The following DMAC2L variants were observed in gnomAD, a reference collection of about 807,000 sequenced individuals.
The protein encoded by DMAC2L is ATP synthase subunit s, mitochondrial.
In DMAC2L, 21 loss-of-function variants were observed where a neutral mutation model predicts 22.5. The ratio of observed to expected loss-of-function variants is 0.93; its 90% CI spans 0.66 to 1.34. The LOEUF (loss-of-function observed/expected upper bound fraction) is 1.34, where lower values mean the gene tolerates loss of function less well. Among genes scored for constraint, DMAC2L ranks in the 40% most tolerant of loss-of-function variants. DMAC2L has a pLI of 0.00. For synonymous variants in DMAC2L, 86 were observed against 89.5 expected (o/e 0.96, Z 0.22); for missense variants, 239 against 246.5 (o/e 0.97, Z 0.20).
At position 50,327,384 on chromosome 14, in the gene DMAC2L, C is replaced by G. The variant is rs1280914743; in HGVS notation, c.*1661C>G. The G allele has an allele frequency of 6.7e-6, 1 of 149,728 alleles. No homozygotes were observed. 9.3% of individuals were successfully genotyped at this position (149,728 alleles called of 1,614,324 possible). A position where few individuals can be genotyped will look rare whatever the true frequency, so the allele number is the denominator to read the frequency against. On this transcript the variant is annotated 3_prime_UTR_variant, in exon 6 of 6. Coordinates refer to ENST00000557421, the MANE Select transcript of DMAC2L (RefSeq NM_001382507.1). The stretch of plus-strand genomic sequence containing the variant: ...TAGATAAAACAGGTCTTCATTGTTA[C>G]CTGTGAGAAATGGCCCTGATTCTAT...
chr14:50,325,753 T>G lies in DMAC2L; in HGVS notation c.*30T>G. On this transcript the variant is annotated 3_prime_UTR_variant, in exon 6 of 6. Transcript: ENST00000557421. Reference sequence around the variant, plus strand: ...ATGTGTCTTATTTCAGTATAAAGGATCATTTGAAACTGTTGATTCCAAACA... The same window carrying G: ...ATGTGTCTTATTTCAGTATAAAGGAGCATTTGAAACTGTTGATTCCAAACA... 1 of 1,591,850 alleles carries G rather than the reference T, an allele frequency of 6.3e-7. No individual in the cohort carries two copies. The highest frequency in any genetic ancestry group is 8.5e-7 in the Non-Finnish European group (1 of 1,171,368).
chr14:50,312,541 G>A (rs1000287528), intron 1 of DMAC2L, 152 bp downstream of exon 1: 1 of 327,778 alleles, frequency 3.1e-6, no homozygotes, highest in African/African-American at 2.2e-5. Flanking sequence ...GGGGCCGTGG[G>A]AGAAACTCTG....
At chr14:50,313,256 A>G (rs955425607) in intron 1 of DMAC2L, among the ~76,000 whole-genome samples, 2 of 152,290 alleles carry the variant, frequency 1.3e-5, no homozygotes, top group African/African-American at 4.8e-5. Context: ...TTATTACCAG[A>G]AGGACTTCGT....
upstream of DMAC2L, chr14:50,312,093 C>T: frequency 1.2e-6 from 2 of 1,607,248 alleles, no homozygotes; most frequent in Non-Finnish European, 1.7e-6. Context: ...GAGCCACCGG[C>T]GAAAAGCCCG....
At chr14:50,320,772 C>T (rs2032197509) in intron 2 of DMAC2L, among the ~76,000 whole-genome samples, 2 of 152,202 alleles carry the variant, frequency 1.3e-5, no homozygotes, top group Admixed American at 1.3e-4. Context: ...CCTGCCACAT[C>T]CAGTCCCCTG....
Position 50,325,984 on chromosome 14 carries a change from C to T in DMAC2L, c.*261C>T, listed in dbSNP as rs1271458491. 1 of 1,037,736 alleles carries T rather than the reference C, an allele frequency of 9.6e-7. No individual in the cohort carries two copies. Among genetic ancestry groups the T allele is most frequent in the Non-Finnish European group, 1.2e-6 (1 of 852,770 alleles). 64.3% of individuals were successfully genotyped at this position (1,037,736 alleles called of 1,614,324 possible). On this transcript the variant is annotated 3_prime_UTR_variant, in exon 6 of 6. Transcript: ENST00000557421. Reference sequence around the variant, plus strand: ...GTGGCTCATGCCTGTAATCCTAGCACTTTGGGAGGCCAAAGCGGGCAGATC... The same window carrying T: ...GTGGCTCATGCCTGTAATCCTAGCATTTTGGGAGGCCAAAGCGGGCAGATC...
intron 2 of DMAC2L, among the ~76,000 whole-genome samples, chr14:50,317,755 A>C (rs1354066679): frequency 1.3e-5 from 2 of 150,934 alleles, no homozygotes; most frequent in African/African-American, 4.9e-5. Flanking sequence ...GGGCAACAAG[A>C]GTGAAACACT....
At chr14:50,314,362 T>C (rs2031573823) in intron 1 of DMAC2L, among the ~76,000 whole-genome samples, 1 of 152,204 alleles carries the variant, frequency 6.6e-6, no homozygotes, top group East Asian at 1.9e-4. Flanking sequence ...TCCACCATGA[T>C]TGTGAGGCCT....
chr14:50,320,612 AT>A (rs2139300533), intron 2 of DMAC2L, among the ~76,000 whole-genome samples: 1 of 152,230 alleles, frequency 6.6e-6, no homozygotes, highest in Non-Finnish European at 1.5e-5. Flanking sequence ...TTCTGTCCTT[AT>A]TTTAACTCTT....
chr14:50,312,038 C>T (rs1566547560), upstream of DMAC2L: 3 of 1,582,142 alleles, frequency 1.9e-6, no homozygotes, highest in East Asian at 4.6e-5. Flanking sequence ...GCTACCTCCA[C>T]ACAGCGGTCT....
intron 2 of DMAC2L, among the ~76,000 whole-genome samples, chr14:50,315,986 T>G (rs1012609389): frequency 6.6e-6 from 1 of 151,796 alleles, no homozygotes; most frequent in Non-Finnish European, 1.5e-5. Context: ...ATCTCCACAC[T>G]GTTTTCCATA....
At position 50,313,122 on chromosome 14, in the gene DMAC2L, G is replaced by T. The variant is rs1236505202; in HGVS notation, c.-42+733G>T. On this transcript the variant is annotated intron_variant, in intron 1 of 5. Transcript: ENST00000557421. ...GCGATGGGCTGTGTAATCTCTAAAG[G>T]ACCTTCTAACTCTTTAAAATTGTCA... 3 of 1,347,700 alleles carry T rather than the reference G, an allele frequency of 2.2e-6. No individual in the cohort carries two copies. The East Asian group carries it at 6.9e-5, about 31-fold the overall frequency. 83.5% of individuals were successfully genotyped at this position (1,347,700 alleles called of 1,614,324 possible).
intron 2 of DMAC2L, among the ~76,000 whole-genome samples, chr14:50,316,896 G>T (rs762705049): frequency 3.3e-5 from 5 of 152,072 alleles, no homozygotes; most frequent in Non-Finnish European, 7.4e-5. Flanking sequence ...GGTTCTATAT[G>T]AATTTTAGGA....
At chr14:50,313,342 C>G (rs1298667173) in intron 1 of DMAC2L, among the ~76,000 whole-genome samples, 2 of 152,154 alleles carry the variant, frequency 1.3e-5, no homozygotes, top group African/African-American at 4.8e-5. Context: ...GCCTCAGACC[C>G]TCCTCAGTGA....
chr14:50,325,253 T>G, intron 5 of DMAC2L, among the ~76,000 whole-genome samples: 1 of 152,266 alleles, frequency 6.6e-6, no homozygotes, highest in Non-Finnish European at 1.5e-5. Context: ...CTTACATTAC[T>G]TGAAGCTTCA....
At position 50,325,683 on chromosome 14, in the gene DMAC2L, C is replaced by T; in HGVS notation, c.563C>T (p.Thr188Ile). The T allele has an allele frequency of 6.2e-7, 1 of 1,612,888 alleles. No homozygotes were observed. The highest frequency in any genetic ancestry group is 8.5e-7 in the Non-Finnish European group (1 of 1,179,468). Residue 188 changes from threonine to isoleucine, a missense_variant, in exon 6 of 6, where the codon ACA (threonine) becomes ATA (isoleucine). By Grantham distance (89) the Thr-to-Ile change is moderately conservative. Coordinates refer to ENST00000557421, the MANE Select transcript of DMAC2L (RefSeq NM_001382507.1). ...EKENLVQAFK[T>I]ALPSLELKLQ... ...GAAAATCTTGTCCAAGCCTTTAAGACAGCACTGCCTTCTCTGGAACTAAAA... is the reference window on the plus strand; with the variant it reads ...GAAAATCTTGTCCAAGCCTTTAAGATAGCACTGCCTTCTCTGGAACTAAAA...
upstream of DMAC2L, chr14:50,312,176 G>A (rs780832750): frequency 2.5e-6 from 4 of 1,607,470 alleles, no homozygotes; most frequent in African/African-American, 1.3e-5. Flanking sequence ...CCCTCCCTCA[G>A]CGCTCAGAAG....
In DMAC2L at chr14:50,326,582, G is replaced by A. The variant is rs1406505940; in HGVS notation, c.*859G>A. On this transcript the variant is annotated 3_prime_UTR_variant, in exon 6 of 6. Transcript: ENST00000557421. The stretch of plus-strand genomic sequence containing the variant: ...TCTTGATAGCATACAGACTTACTCA[G>A]AATCAACAGTTGCTGCTTAATTTGT... 4 of 985,284 alleles carry A rather than the reference G, an allele frequency of 4.1e-6. No individual in the cohort carries two copies. Among genetic ancestry groups the A allele is most frequent in the Non-Finnish European group, 4.8e-6 (4 of 829,944 alleles). The allele number at this position is 985,284 out of a possible 1,614,324, so 61.0% of individuals were successfully genotyped here.
chr14:50,321,319 TAAAA>T (rs529956937), intron 2 of DMAC2L, 160 bp from the exon 3 acceptor site: 37 of 1,317,518 alleles, frequency 2.8e-5, no homozygotes, highest in Admixed American at 3.6e-5. Context: ...AGCAAACAAA[TAAAA>T]AACCCCAAGA....
Sources: allele counts gnomAD v4.1 joint callset (sites outside exome capture counted in the v4.1 genomes callset), GRCh38; gene constraint gnomAD v4.1.1; transcripts MANE v1.5; gene names NCBI Gene and HGNC (gene_info 2026-07-23, HGNC 2026-07-21).